Variants in NAPEPLD observed in about 807,000 individuals in gnomAD.
NAPEPLD encodes the protein N-acyl phosphatidylethanolamine phospholipase D.
NAPEPLD carries 23 observed loss-of-function variants against 38.1 expected under a neutral mutation model. The ratio of observed to expected loss-of-function variants is 0.60; its 90% CI spans 0.43 to 0.86. NAPEPLD has a LOEUF of 0.86. Among genes scored for constraint, NAPEPLD ranks in the 40% least tolerant of loss-of-function variants. The probability of loss-of-function intolerance (pLI) is 0.00; values close to 1 mark genes in which losing one functional copy is unlikely to be tolerated. For synonymous variants in NAPEPLD, 147 were observed against 162.0 expected, an observed-to-expected ratio of 0.91 and a Z score of 0.71; for missense variants, 411 against 476.8, an observed-to-expected ratio of 0.86 and a Z score of 1.28.
intron 1 of NAPEPLD, among the ~76,000 whole-genome samples, chr7:103,132,072 A>G (rs991069762): frequency 5.3e-5 from 8 of 152,198 alleles, no homozygotes; most frequent in Non-Finnish European, 7.3e-5. Context: ...CCGTCTAAAA[A>G]GAAAATGATG....
chr7:103,100,384 A>C lies in NAPEPLD; in HGVS notation c.*3045T>G, dbSNP rs1802232479. On this transcript the variant is annotated 3_prime_UTR_variant, in exon 5 of 5. Coordinates refer to ENST00000465647, the MANE Select transcript of NAPEPLD (RefSeq NM_001122838.3). ...TCTTCTTGTCCTCTCATTAGTTTGA[A>C]TAATCACACTCCCTAGAGATCAGAG... The C allele has an allele frequency of 6.6e-6, 1 of 152,238 alleles. No homozygotes were observed. The highest frequency in any genetic ancestry group is 6.5e-5 in the Admixed American group (1 of 15,280). The allele number at this position is 152,238 out of a possible 1,614,324, so 9.4% of individuals were successfully genotyped here.
chr7:103,107,706 G>C (rs557487287), intron 4 of NAPEPLD, among the ~76,000 whole-genome samples: 87 of 151,918 alleles, frequency 5.7e-4, no homozygotes, highest in Non-Finnish European at 8.5e-4. Context: ...AGAGAAAAAA[G>C]AGTGACAAGA....
At chr7:103,148,030 A>C (rs1405255585) in intron 1 of NAPEPLD, 1 of 984,470 alleles carries the variant, frequency 1.0e-6, no homozygotes, top group East Asian at 1.1e-4. Context: ...GGATATAGGT[A>C]ATCTTCTTTT....
At chr7:103,126,115 A>G (rs1267141754) in intron 2 of NAPEPLD, among the ~76,000 whole-genome samples, 2 of 152,098 alleles carry the variant, frequency 1.3e-5, no homozygotes, top group African/African-American at 4.8e-5. Flanking sequence ...AGTGAGCCTC[A>G]AAGGGCTACT....
chr7:103,137,028 C>T (rs1369189410), intron 1 of NAPEPLD, among the ~76,000 whole-genome samples: 2 of 152,186 alleles, frequency 1.3e-5, no homozygotes, highest in Non-Finnish European at 2.9e-5. Context: ...CAACCTCCAC[C>T]TCCCAGATTC....
chr7:103,116,938 T>C (rs1044148590), intron 3 of NAPEPLD, among the ~76,000 whole-genome samples: 4 of 152,232 alleles, frequency 2.6e-5, no homozygotes, highest in African/African-American at 7.2e-5. Flanking sequence ...TCTACTTTCA[T>C]AGAATTCTCC....
At chr7:103,104,222 T>C (rs1053135574) in intron 4 of NAPEPLD, among the ~76,000 whole-genome samples, 3 of 152,170 alleles carry the variant, frequency 2.0e-5, no homozygotes, top group African/African-American at 7.2e-5. Flanking sequence ...AGGTACCTAA[T>C]GGATATCCAA....
At chr7:103,127,936 T>C (rs1379267283) in intron 2 of NAPEPLD, 1 of 152,974 alleles carries the variant, frequency 6.5e-6, no homozygotes, top group African/African-American at 2.4e-5. Context: ...ATTTAAAGGC[T>C]AGGAACCTAA....
At chr7:103,136,952 G>GT (rs1563368277) in intron 1 of NAPEPLD, among the ~76,000 whole-genome samples, 1 of 152,102 alleles carries the variant, frequency 6.6e-6, no homozygotes, top group African/African-American at 2.4e-5. Flanking sequence ...TTGTTTGTTT[G>GT]TTTTGAGATG....
chr7:103,103,332 T>TA lies in NAPEPLD; in HGVS notation c.*96dup. 3 of 1,373,252 alleles carry TA rather than the reference T, an allele frequency of 2.2e-6. No homozygotes were observed. The highest frequency in any genetic ancestry group is 2.9e-6 in the Non-Finnish European group (3 of 1,022,634). 85.1% of individuals were successfully genotyped at this position (1,373,252 alleles called of 1,614,324 possible). A position where few individuals can be genotyped will look rare whatever the true frequency, so the allele number is the denominator to read the frequency against. On this transcript the variant is annotated 3_prime_UTR_variant, in exon 5 of 5. Transcript: ENST00000465647. ...AACTTGCAGAAGTTGTTTCCAAATG[T>TA]AAAATAATCACAATATTCATGAATT...
chr7:103,141,250 T>G (rs1410946057), intron 1 of NAPEPLD: 8 of 273,438 alleles, frequency 2.9e-5, no homozygotes, highest in Admixed American at 2.0e-4. Context: ...GTTTTTTTTT[T>G]TTTTTTTTTT....
chr7:103,135,294 A>C (rs535453428), intron 1 of NAPEPLD, among the ~76,000 whole-genome samples: 1 of 152,364 alleles, frequency 6.6e-6, no homozygotes, highest in South Asian at 2.1e-4. Context: ...ATGCTAGATA[A>C]CATGGCTAAT....
upstream of NAPEPLD, among the ~76,000 whole-genome samples, chr7:103,149,876 T>C (rs1813355463): frequency 6.6e-6 from 1 of 152,202 alleles, no homozygotes; most frequent in African/African-American, 2.4e-5. Context: ...ACTTACAGCC[T>C]ATGGCGCTAG....
At chr7:103,108,772 C>T (rs578238898) in intron 4 of NAPEPLD, among the ~76,000 whole-genome samples, 17 of 152,046 alleles carry the variant, frequency 1.1e-4, no homozygotes, top group African/African-American at 4.1e-4. Flanking sequence ...GGGTTAATGC[C>T]CCAATTAAAA....
intron 4 of NAPEPLD, among the ~76,000 whole-genome samples, chr7:103,107,179 AACT>A (rs1441909990): frequency 6.6e-6 from 1 of 150,632 alleles, no homozygotes; most frequent in Non-Finnish European, 1.5e-5. Context: ...AAGGAAAACT[AACT>A]AACAGAAAGG....
chr7:103,133,796 C>T (rs1291944538), intron 1 of NAPEPLD, among the ~76,000 whole-genome samples: 1 of 152,184 alleles, frequency 6.6e-6, no homozygotes, highest in Admixed American at 6.5e-5. Context: ...CCCTTGATTT[C>T]AGGCCAACAC....
Position 103,115,103 on chromosome 7 carries a change from TTC to T in NAPEPLD, c.1011_1012del (p.Lys338IlefsTer14). ...AGTTCCCCAGTGAATTGCCATAGAT[TTC>T]TTTGTTTGGACATCAGTGTGAATCC... On this transcript the variant is annotated frameshift_variant, in exon 4 of 5. Transcript: ENST00000465647. LOFTEE classifies it high-confidence loss of function. 1 of 1,614,036 alleles carries T rather than the reference TTC, an allele frequency of 6.2e-7. No individual in the cohort carries two copies. Among genetic ancestry groups the T allele is most frequent in the Non-Finnish European group, 8.5e-7 (1 of 1,179,958 alleles).
At chr7:103,123,124 T>C (rs1378580281) in intron 2 of NAPEPLD, among the ~76,000 whole-genome samples, 8 of 152,216 alleles carry the variant, frequency 5.3e-5, no homozygotes, top group Non-Finnish European at 8.8e-5. Context: ...GGTTAAATTA[T>C]CTTCCCCCTT....
At chr7:103,119,174 C>G (rs906105108) in intron 3 of NAPEPLD, among the ~76,000 whole-genome samples, 1 of 152,096 alleles carries the variant, frequency 6.6e-6, no homozygotes, top group African/African-American at 2.4e-5. Context: ...TTCTTTAAAC[C>G]TTGATCCCTT....
Sources: allele counts gnomAD v4.1 joint callset (sites outside exome capture counted in the v4.1 genomes callset), GRCh38; gene constraint gnomAD v4.1.1; transcripts MANE v1.5; gene names NCBI Gene and HGNC (gene_info 2026-07-23, HGNC 2026-07-21).